The following TMPRSS15 variants were observed in gnomAD, a reference collection of about 807,000 sequenced individuals.
TMPRSS15 encodes the protein transmembrane serine protease 15, also known as enteropeptidase.
A neutral mutation model predicts 125.3 loss-of-function variants in TMPRSS15; 128 were observed. The observed-to-expected ratio is 1.02, with a 90% CI of 0.89 to 1.18. The LOEUF (loss-of-function observed/expected upper bound fraction) is 1.18, where lower values mean the gene tolerates loss of function less well. Among genes scored for constraint, TMPRSS15 ranks in the 50% most tolerant of loss-of-function variants. TMPRSS15 has a pLI of 0.00. For missense variants in TMPRSS15, 1,283 were observed against 1,212.7 expected, an observed-to-expected ratio of 1.06 and a Z score of -0.86; for synonymous variants, 446 against 423.2, an observed-to-expected ratio of 1.05 and a Z score of -0.66.
intron 16 of TMPRSS15, among the ~76,000 whole-genome samples, chr21:18,316,954 G>A (rs1248330278): frequency 1.3e-5 from 2 of 152,074 alleles, no homozygotes; most frequent in Admixed American, 1.3e-4. Flanking sequence ...GTGTGGAGAG[G>A]CTCAATGTCT....
chr21:18,282,837 C>A lies in TMPRSS15; in HGVS notation c.2487-1616G>T, dbSNP rs570501652. 1.4e-3 allele frequency among the ~76,000 whole-genome samples: 218 copies of A among 152,278 alleles called. 1 individual carries two copies. The highest frequency in any genetic ancestry group is 5.1e-3 in the African/African-American group (211 of 41,544). On this transcript the variant is annotated intron_variant, in intron 21 of 24. Coordinates refer to ENST00000284885, the MANE Select transcript of TMPRSS15 (RefSeq NM_002772.3). ...TAGAGCCTGCACTTAACACCAGTGA[C>A]TGGGGTGCCTCATACAGCTCTGAGT... is the stretch of plus-strand genomic sequence containing the variant.
chr21:18,408,253 C>A (rs141320345), upstream of TMPRSS15, among the ~76,000 whole-genome samples: 306 of 152,192 alleles, frequency 2.0e-3, no homozygotes, highest in African/African-American at 7.1e-3. Context: ...TTGCAGAGTT[C>A]CTAAAGATTA....
At chr21:18,442,067 C>G (rs550415031) in intron 1 of TMPRSS15, among the ~76,000 whole-genome samples, 2 of 152,226 alleles carry the variant, frequency 1.3e-5, no homozygotes, top group East Asian at 3.9e-4. Flanking sequence ...CTCATTCCTC[C>G]TCTTCTTTCA....
intron 1 of TMPRSS15, among the ~76,000 whole-genome samples, chr21:18,423,124 A>G (rs1332926684): frequency 7.2e-5 from 11 of 152,220 alleles, no homozygotes; most frequent in African/African-American, 2.7e-4. Flanking sequence ...TAAGAAAAGC[A>G]GAGACTGGCA....
chr21:18,435,757 G>C (rs2076226406), intron 1 of TMPRSS15, among the ~76,000 whole-genome samples: 1 of 152,062 alleles, frequency 6.6e-6, no homozygotes, highest in Non-Finnish European at 1.5e-5. Flanking sequence ...AATCCATCTG[G>C]TCCTGGACTC....
chr21:18,463,358 G>A (rs1211775682), intron 1 of TMPRSS15, among the ~76,000 whole-genome samples: 1 of 150,822 alleles, frequency 6.6e-6, no homozygotes, highest in African/African-American at 2.4e-5. Flanking sequence ...GACAAAGAAG[G>A]GCATTACCTC....
intron 1 of TMPRSS15, among the ~76,000 whole-genome samples, chr21:18,398,767 A>G (rs750737395): frequency 1.2e-4 from 19 of 152,232 alleles, no homozygotes; most frequent in Non-Finnish European, 2.1e-4. Flanking sequence ...CAGGGACACC[A>G]CTGGGTTTTG....
At chr21:18,370,962 T>C (rs2075786061) in intron 6 of TMPRSS15, among the ~76,000 whole-genome samples, 1 of 152,170 alleles carries the variant, frequency 6.6e-6, no homozygotes, top group African/African-American at 2.4e-5. Flanking sequence ...GGGCACTAAC[T>C]GTATTTATAG....
chr21:18,421,494 A>G (rs1226624387), intron 1 of TMPRSS15, among the ~76,000 whole-genome samples: 3 of 152,186 alleles, frequency 2.0e-5, no homozygotes, highest in Admixed American at 2.0e-4. Context: ...TTGAGACCAG[A>G]TGTTTCTATC....
intron 1 of TMPRSS15, among the ~76,000 whole-genome samples, chr21:18,433,785 T>C (rs1034985982): frequency 4.6e-5 from 7 of 152,162 alleles, no homozygotes; most frequent in African/African-American, 1.7e-4. Context: ...TTATTAACTT[T>C]ATACATTTTC....
At chr21:18,373,428 C>G (rs2075812196) in intron 5 of TMPRSS15, among the ~76,000 whole-genome samples, 1 of 151,836 alleles carries the variant, frequency 6.6e-6, no homozygotes, top group African/African-American at 2.4e-5. Context: ...ATAGAGTACT[C>G]CCATGTAGGA....
chr21:18,384,545 G>GA (rs2075925008), intron 3 of TMPRSS15, among the ~76,000 whole-genome samples: 1 of 152,194 alleles, frequency 6.6e-6, no homozygotes, highest in Non-Finnish European at 1.5e-5. Flanking sequence ...TAAAGAAAGA[G>GA]AAAAATGAAT....
chr21:18,378,296 T>C (rs1490657622), intron 5 of TMPRSS15, among the ~76,000 whole-genome samples: 1 of 152,082 alleles, frequency 6.6e-6, no homozygotes, highest in Non-Finnish European at 1.5e-5. Flanking sequence ...GAGACAGGAA[T>C]GTGGGCTCAG....
chr21:18,382,166 A>G (rs2075898614), intron 4 of TMPRSS15, among the ~76,000 whole-genome samples: 1 of 152,118 alleles, frequency 6.6e-6, no homozygotes, highest in Admixed American at 6.6e-5. Context: ...GAAAAAGGCC[A>G]TTTACCAAAA....
chr21:18,477,235 T>A (rs1416550010), intron 1 of TMPRSS15: 2 of 152,092 alleles, frequency 1.3e-5, no homozygotes, highest in East Asian at 3.9e-4. Context: ...CCTCAGAACA[T>A]TTTGAAGTAC....
At chr21:18,321,164 G>A (rs1293312918) in intron 16 of TMPRSS15, among the ~76,000 whole-genome samples, 1 of 152,012 alleles carries the variant, frequency 6.6e-6, no homozygotes, top group Non-Finnish European at 1.5e-5. Flanking sequence ...ATAGGAGACA[G>A]ATCTTAATAA....
chr21:18,465,792 C>T (rs139115085), intron 1 of TMPRSS15, among the ~76,000 whole-genome samples: 2,258 of 152,272 alleles, frequency 0.015, 44 homozygotes, highest in African/African-American at 0.052. Flanking sequence ...GCCTTCTATG[C>T]TCATGGATAG....
At chr21:18,391,470 C>A (rs890343081) in intron 3 of TMPRSS15, among the ~76,000 whole-genome samples, 3 of 152,216 alleles carry the variant, frequency 2.0e-5, no homozygotes, top group Non-Finnish European at 2.9e-5. Context: ...TCTTAAAGCT[C>A]CAAAATAATC....
At chr21:18,286,858 C>G (rs2074770676) in intron 21 of TMPRSS15, among the ~76,000 whole-genome samples, 1 of 152,206 alleles carries the variant, frequency 6.6e-6, no homozygotes. Context: ...TTCTGGGCAA[C>G]AGCAGCAGGG....
Sources: allele counts gnomAD v4.1 joint callset (sites outside exome capture counted in the v4.1 genomes callset), GRCh38; gene constraint gnomAD v4.1.1; transcripts MANE v1.5; gene names NCBI Gene and HGNC (gene_info 2026-07-23, HGNC 2026-07-21).